The following PDSS2 variants were observed in gnomAD, a reference collection of about 807,000 sequenced individuals.
PDSS2 encodes the protein decaprenyl diphosphate synthase subunit 2, also known as all trans-polyprenyl-diphosphate synthase PDSS2.
In PDSS2, 31 loss-of-function variants were observed where a neutral mutation model predicts 44.5. The ratio of observed to expected loss-of-function variants is 0.70; its 90% CI spans 0.52 to 0.94. PDSS2 has a LOEUF of 0.94. PDSS2 is among the 40% of genes least tolerant of loss of function. PDSS2 has a pLI of 0.00. For synonymous variants in PDSS2, 157 were observed against 180.3 expected (o/e 0.87, Z 1.03); for missense variants, 452 against 482.2 (o/e 0.94, Z 0.59).
chr6:107,179,644 G>A (rs150810610), intron 7 of PDSS2, among the ~76,000 whole-genome samples: 42 of 152,220 alleles, frequency 2.8e-4, no homozygotes, highest in African/African-American at 9.9e-4. Context: ...ACAATCTTTA[G>A]TAACATTTCA....
intron 7 of PDSS2, among the ~76,000 whole-genome samples, chr6:107,155,294 C>T (rs369876113): frequency 9.2e-5 from 14 of 152,130 alleles, no homozygotes; most frequent in Admixed American, 5.2e-4. Flanking sequence ...TACAGGCATG[C>T]GCCACCACAC....
At chr6:107,200,285 G>C (rs1261535423) in intron 6 of PDSS2, among the ~76,000 whole-genome samples, 1 of 152,154 alleles carries the variant, frequency 6.6e-6, no homozygotes, top group Non-Finnish European at 1.5e-5. Context: ...TCCTTCATTG[G>C]TTAATAACTT....
chr6:107,417,856 A>G (rs1780712476), intron 1 of PDSS2, among the ~76,000 whole-genome samples: 1 of 152,030 alleles, frequency 6.6e-6, no homozygotes, highest in South Asian at 2.1e-4. Flanking sequence ...TAAGAATCCA[A>G]AACAACATAA....
At chr6:107,223,386 C>T (rs1156745676) in intron 4 of PDSS2, among the ~76,000 whole-genome samples, 1 of 150,856 alleles carries the variant, frequency 6.6e-6, no homozygotes, top group East Asian at 2.0e-4. Context: ...AAAAAACAAG[C>T]CAGTTGTGGT....
chr6:107,285,538 T>G (rs960172661), intron 2 of PDSS2, among the ~76,000 whole-genome samples: 2 of 152,024 alleles, frequency 1.3e-5, no homozygotes, highest in Non-Finnish European at 2.9e-5. Context: ...AATAGACTAA[T>G]AGATTAGTGA....
chr6:107,195,325 A>G (rs1243474840), intron 6 of PDSS2, among the ~76,000 whole-genome samples: 1 of 151,534 alleles, frequency 6.6e-6, no homozygotes, highest in Non-Finnish European at 1.5e-5. Context: ...TACAAAAAAT[A>G]AAAAAAATTA....
intron 1 of PDSS2, among the ~76,000 whole-genome samples, chr6:107,449,893 A>G (rs780242983): frequency 8.5e-5 from 13 of 152,206 alleles, no homozygotes; most frequent in African/African-American, 3.1e-4. Context: ...TTAAGGCTGA[A>G]TAATATTCCA....
intron 4 of PDSS2, among the ~76,000 whole-genome samples, chr6:107,230,871 T>A (rs1271138413): frequency 6.6e-6 from 1 of 152,112 alleles, no homozygotes; most frequent in Non-Finnish European, 1.5e-5. Context: ...TTTAGTGGTT[T>A]AAAGCAAGAG....
intron 7 of PDSS2, among the ~76,000 whole-genome samples, chr6:107,169,037 G>C (rs543300744): frequency 6.6e-6 from 1 of 152,208 alleles, no homozygotes; most frequent in African/African-American, 2.4e-5. Context: ...TCGCTAGGTT[G>C]GGGAAGTTCT....
intron 2 of PDSS2, among the ~76,000 whole-genome samples, chr6:107,278,668 T>C (rs1775867818): frequency 6.6e-6 from 1 of 152,226 alleles, no homozygotes; most frequent in Non-Finnish European, 1.5e-5. Flanking sequence ...TTGACATCTA[T>C]AGTCATAAAA....
chr6:107,439,714 A>G (rs931518318), intron 1 of PDSS2, among the ~76,000 whole-genome samples: 2 of 152,158 alleles, frequency 1.3e-5, no homozygotes, highest in Non-Finnish European at 2.9e-5. Context: ...ACTTTACTTG[A>G]AAATATGTGG....
intron 1 of PDSS2, among the ~76,000 whole-genome samples, chr6:107,444,476 A>G (rs1028441217): frequency 6.6e-6 from 1 of 152,176 alleles, no homozygotes; most frequent in Non-Finnish European, 1.5e-5. Context: ...CATGATTACT[A>G]TACTGTCTCT....
In PDSS2 at chr6:107,210,590, G is replaced by C. The variant is rs138097933; in HGVS notation, c.877-20C>G. ...ATTTATCTACAAGAAGCAATTAAAT[G>C]AGTAAATTAGTGAAATGTATATACA... On this transcript the variant is annotated intron_variant, in intron 5 of 7. Coordinates refer to ENST00000369037, the MANE Select transcript of PDSS2 (RefSeq NM_020381.4). The C allele has an allele frequency of 4.0e-6, 6 of 1,516,150 alleles. No individual in the cohort carries two copies. Among genetic ancestry groups the C allele is most frequent in the Non-Finnish European group, 5.5e-6 (6 of 1,091,970 alleles). 93.9% of individuals were successfully genotyped at this position (1,516,150 alleles called of 1,614,324 possible).
chr6:107,427,150 T>C (rs1781031567), intron 1 of PDSS2, among the ~76,000 whole-genome samples: 1 of 152,128 alleles, frequency 6.6e-6, no homozygotes, highest in African/African-American at 2.4e-5. Flanking sequence ...GTGATTGAAT[T>C]ATGGGGATGG....
At chr6:107,329,584 G>A (rs1272479403) in intron 2 of PDSS2, among the ~76,000 whole-genome samples, 1 of 152,072 alleles carries the variant, frequency 6.6e-6, no homozygotes, top group African/African-American at 2.4e-5. Flanking sequence ...CTATTCTAAT[G>A]ACCTCATTTT....
At chr6:107,169,028 C>T (rs1384798321) in intron 7 of PDSS2, among the ~76,000 whole-genome samples, 3 of 152,190 alleles carry the variant, frequency 2.0e-5, no homozygotes, top group East Asian at 3.9e-4. Flanking sequence ...TGGCCTGCCT[C>T]GCTAGGTTGG....
At chr6:107,334,444 A>T (rs565221658) in intron 1 of PDSS2, 112 bp from the exon 2 acceptor site, 541 of 971,938 alleles carry the variant, frequency 5.6e-4, no homozygotes, top group Non-Finnish European at 8.2e-4. Flanking sequence ...AATGAGACTT[A>T]CTGAAAAGAA....
intron 2 of PDSS2, among the ~76,000 whole-genome samples, chr6:107,300,893 C>T (rs770589701): frequency 9.9e-5 from 15 of 152,006 alleles, no homozygotes; most frequent in African/African-American, 3.6e-4. Flanking sequence ...TATTCATTAA[C>T]CCCCCCAACA....
chr6:107,159,205 A>C (rs1210755026), intron 7 of PDSS2, among the ~76,000 whole-genome samples: 1 of 151,734 alleles, frequency 6.6e-6, no homozygotes, highest in Non-Finnish European at 1.5e-5. Context: ...CCACCCACCA[A>C]GATCAAGTCT....
Sources: allele counts gnomAD v4.1 joint callset (sites outside exome capture counted in the v4.1 genomes callset), GRCh38; gene constraint gnomAD v4.1.1; transcripts MANE v1.5; gene names NCBI Gene and HGNC (gene_info 2026-07-23, HGNC 2026-07-21).